Variants in SLCO2A1 observed in about 807,000 individuals in gnomAD.
SLCO2A1 encodes solute carrier organic anion transporter family member 2A1, also known as matrin F/G 1.
In SLCO2A1, 60 loss-of-function variants were observed where a neutral mutation model predicts 71.7. The observed-to-expected ratio is 0.84, with a 90% CI of 0.68 to 1.04. SLCO2A1 has a LOEUF of 1.04. SLCO2A1 is among the 50% of genes least tolerant of loss of function. The probability of loss-of-function intolerance (pLI) is 0.00; values close to 1 mark genes in which losing one functional copy is unlikely to be tolerated. For synonymous variants in SLCO2A1, 308 were observed against 326.7 expected (o/e 0.94, Z 0.62); for missense variants, 745 against 813.4 (o/e 0.92, Z 1.02).
At chr3:133,941,580 C>A (rs1232361024) in intron 11 of SLCO2A1, among the ~76,000 whole-genome samples, 1 of 151,816 alleles carries the variant, frequency 6.6e-6, no homozygotes. Flanking sequence ...GAATTTGGTA[C>A]AAATGTTGTT....
intron 13 of SLCO2A1, among the ~76,000 whole-genome samples, chr3:133,935,499 C>T (rs1305090547): frequency 1.3e-5 from 2 of 152,188 alleles, no homozygotes; most frequent in Non-Finnish European, 2.9e-5. Flanking sequence ...TGCTGCTGCC[C>T]CTTCCAAAGG....
At chr3:133,981,800 C>G (rs1279141909) in intron 1 of SLCO2A1, among the ~76,000 whole-genome samples, 1 of 152,062 alleles carries the variant, frequency 6.6e-6, no homozygotes, top group East Asian at 1.9e-4. Flanking sequence ...CGTGGTGAAA[C>G]CCCGTCTCTA....
chr3:134,003,209 G>A (rs532544445), intron 1 of SLCO2A1, among the ~76,000 whole-genome samples: 1 of 152,352 alleles, frequency 6.6e-6, no homozygotes, highest in Admixed American at 6.5e-5. Flanking sequence ...ATCTTTAGAT[G>A]AGGAAAGATT....
chr3:133,991,122 C>A (rs909399037), intron 1 of SLCO2A1, among the ~76,000 whole-genome samples: 4 of 150,210 alleles, frequency 2.7e-5, no homozygotes, highest in Non-Finnish European at 4.4e-5. Context: ...AAAAACAAAA[C>A]AAAAAAAAAC....
chr3:133,962,566 A>T (rs1428143724), intron 3 of SLCO2A1, among the ~76,000 whole-genome samples: 1 of 152,196 alleles, frequency 6.6e-6, no homozygotes, highest in East Asian at 1.9e-4. Flanking sequence ...TTGATAATGG[A>T]CAGCCTCTGG....
At chr3:134,006,501 A>C (rs1935218964) in intron 1 of SLCO2A1, among the ~76,000 whole-genome samples, 1 of 152,232 alleles carries the variant, frequency 6.6e-6, no homozygotes, top group Non-Finnish European at 1.5e-5. Flanking sequence ...AGCTCCTAGC[A>C]ACCACCATTC....
chr3:133,971,233 G>C (rs1443697751), intron 3 of SLCO2A1, among the ~76,000 whole-genome samples: 1 of 152,272 alleles, frequency 6.6e-6, no homozygotes, highest in East Asian at 1.9e-4. Flanking sequence ...AGAAGACAGT[G>C]CAGCCAGGCT....
At chr3:134,005,324 T>G (rs982597386) in intron 1 of SLCO2A1, among the ~76,000 whole-genome samples, 3 of 152,216 alleles carry the variant, frequency 2.0e-5, no homozygotes, top group African/African-American at 7.2e-5. Context: ...ATTCTTCTAT[T>G]ACATCTTCTT....
chr3:133,973,372 C>A (rs1934373839), intron 3 of SLCO2A1, among the ~76,000 whole-genome samples: 1 of 152,236 alleles, frequency 6.6e-6, no homozygotes. Context: ...TGATCCTCCT[C>A]CTGCCAAGCC....
chr3:133,960,155 AATAC>A (rs1413825482), intron 3 of SLCO2A1, among the ~76,000 whole-genome samples: 2 of 147,684 alleles, frequency 1.4e-5, no homozygotes, highest in African/African-American at 5.0e-5. Flanking sequence ...TAAATAAATA[AATAC>A]TAATAAAGAT....
chr3:133,997,353 A>AC (rs1348144218), intron 1 of SLCO2A1, among the ~76,000 whole-genome samples: 1 of 152,158 alleles, frequency 6.6e-6, no homozygotes, highest in Non-Finnish European at 1.5e-5. Context: ...GGTGGGTTTA[A>AC]CCCCCGGTGC....
At chr3:133,983,061 C>G (rs1934630292) in intron 1 of SLCO2A1, among the ~76,000 whole-genome samples, 1 of 152,176 alleles carries the variant, frequency 6.6e-6, no homozygotes, top group Non-Finnish European at 1.5e-5. Flanking sequence ...CAATGACACT[C>G]TATCAAGGGG....
intron 1 of SLCO2A1, among the ~76,000 whole-genome samples, chr3:133,999,036 A>T (rs942621670): frequency 6.6e-6 from 1 of 152,078 alleles, no homozygotes; most frequent in East Asian, 1.9e-4. Flanking sequence ...CTCTGACTCC[A>T]TTGGCAGCTC....
intron 1 of SLCO2A1, among the ~76,000 whole-genome samples, chr3:133,984,330 C>T (rs540908824): frequency 7.9e-5 from 12 of 152,306 alleles, no homozygotes; most frequent in African/African-American, 2.9e-4. Flanking sequence ...GCCAATCTCG[C>T]CACCAGCTAT....
At position 133,942,115 on chromosome 3, in the gene SLCO2A1, T is replaced by A. The variant is rs541135232; in HGVS notation, c.1625+490A>T. Among the ~76,000 whole-genome samples the A allele has an allele frequency of 3.7e-4, 57 of 152,342 alleles. 1 individual carries two copies. Among genetic ancestry groups the A allele is most frequent in the Admixed American group, 3.3e-3 (50 of 15,310 alleles). On this transcript the variant is annotated intron_variant, in intron 11 of 13. Coordinates refer to ENST00000310926, the MANE Select transcript of SLCO2A1 (RefSeq NM_005630.3). ...TTCAAGTGATTCTTCTGCCTCAGCC[T>A]CCCAAGAAGCTGGGATTACAGGCAC...
intron 2 of SLCO2A1, among the ~76,000 whole-genome samples, chr3:133,976,375 G>C (rs144900724): frequency 2.0e-5 from 3 of 152,194 alleles, no homozygotes; most frequent in Admixed American, 1.3e-4. Flanking sequence ...GCTGACTTTA[G>C]AAGGCCTGGG....
intron 10 of SLCO2A1, among the ~76,000 whole-genome samples, chr3:133,943,609 AT>A (rs1933489744): frequency 6.6e-6 from 1 of 151,648 alleles, no homozygotes; most frequent in African/African-American, 2.4e-5. Context: ...TAATTTACTG[AT>A]TTTTTTTCTT....
At chr3:134,026,930 C>G (rs1935711021) in intron 1 of SLCO2A1, among the ~76,000 whole-genome samples, 1 of 152,102 alleles carries the variant, frequency 6.6e-6, no homozygotes, top group Admixed American at 6.5e-5. Context: ...GAAAATGGTT[C>G]CCAGCGCTAA....
At chr3:134,020,257 C>G (rs1025039906) in intron 1 of SLCO2A1, among the ~76,000 whole-genome samples, 1 of 152,160 alleles carries the variant, frequency 6.6e-6, no homozygotes, top group Admixed American at 6.5e-5. Context: ...GGAGTCTTGC[C>G]GATGCCCCCA....
Sources: gnomAD v4.1 joint callset for allele counts (sites outside exome capture counted in the v4.1 genomes callset) on GRCh38, gnomAD v4.1.1 for gene constraint, MANE v1.5 for transcripts, NCBI Gene and HGNC (gene_info 2026-07-23, HGNC 2026-07-21) for gene names.